PRELID2: variants seen among roughly 807,000 people sequenced by gnomAD.
The protein encoded by PRELID2 is PRELI domain containing 2.
Under a neutral mutation model 28.4 loss-of-function variants are expected in PRELID2, and 25 were observed. That is an observed-to-expected ratio of 0.88 (90% confidence interval 0.64 to 1.23). PRELID2 has a LOEUF of 1.23. PRELID2 is among the 50% of genes most tolerant of loss of function. The probability of loss-of-function intolerance (pLI) is 0.00; values close to 1 mark genes in which losing one functional copy is unlikely to be tolerated. For synonymous variants in PRELID2, 76 were observed against 71.6 expected (o/e 1.06, Z -0.31); for missense variants, 201 against 214.4 (o/e 0.94, Z 0.39).
the PRELID2 span, among the ~76,000 whole-genome samples, chr5:145,458,456 T>C: frequency 6.6e-6 from 1 of 152,200 alleles, no homozygotes; most frequent in African/African-American, 2.4e-5. Context: ...AATTTCGTTA[T>C]AATACTTAGT....
At chr5:145,672,312 T>A (rs961155484) in intron 1 of PRELID2, among the ~76,000 whole-genome samples, 3 of 152,102 alleles carry the variant, frequency 2.0e-5, no homozygotes, top group Non-Finnish European at 4.4e-5. Flanking sequence ...ACATTAGAAA[T>A]GTTTGGATAG....
chr5:145,237,397 T>A, the PRELID2 span, among the ~76,000 whole-genome samples: 1 of 152,074 alleles, frequency 6.6e-6, no homozygotes, highest in Non-Finnish European at 1.5e-5. Context: ...TATATATGCC[T>A]ATGGCTGAGC....
intron 5 of PRELID2, among the ~76,000 whole-genome samples, chr5:145,771,356 T>G (rs1269387004): frequency 6.6e-6 from 1 of 151,872 alleles, no homozygotes; most frequent in Non-Finnish European, 1.5e-5. Context: ...AATGACAAAA[T>G]CGTCTAATAA....
rs1323310752 is a variant in PRELID2 at position 145,807,788 on chromosome 5, T to C, written c.368+10106A>G. On this transcript the variant is annotated intron_variant, in intron 4 of 6. Transcript: ENST00000683046. Reference sequence around the variant, plus strand: ...TTAGCAGATTTTCATTCATCATTCATTAGACAGATGGTGATGAAGCATCTT... The same window carrying C: ...TTAGCAGATTTTCATTCATCATTCACTAGACAGATGGTGATGAAGCATCTT... Among the ~76,000 whole-genome samples the C allele has an allele frequency of 2.0e-5, 3 of 152,146 alleles. No individual in the cohort carries two copies. In the East Asian group the frequency reaches 5.8e-4, roughly 29 times the overall value.
chr5:145,234,131 G>A, the PRELID2 span, among the ~76,000 whole-genome samples: 1 of 152,084 alleles, frequency 6.6e-6, no homozygotes, highest in Non-Finnish European at 1.5e-5. Context: ...TTAATCATAT[G>A]GCCTTCTGAA....
intron 6 of PRELID2, among the ~76,000 whole-genome samples, chr5:145,764,386 A>G (rs2149769209): frequency 6.6e-6 from 1 of 152,294 alleles, no homozygotes; most frequent in East Asian, 1.9e-4. Flanking sequence ...CATGGCAGAC[A>G]CTGTTAACCA....
the PRELID2 span, among the ~76,000 whole-genome samples, chr5:145,376,645 A>G: frequency 4.6e-5 from 7 of 152,212 alleles, no homozygotes; most frequent in African/African-American, 1.4e-4. Flanking sequence ...CCAGCAATTT[A>G]TCCATTTCTT....
intron 1 of PRELID2, among the ~76,000 whole-genome samples, chr5:145,563,419 T>G (rs1752940420): frequency 6.6e-6 from 1 of 152,196 alleles, no homozygotes; most frequent in African/African-American, 2.4e-5. Context: ...AATGAATATA[T>G]TTCTTTCTGT....
At chr5:145,720,992 G>A (rs1034355974) in intron 1 of PRELID2, among the ~76,000 whole-genome samples, 1 of 152,038 alleles carries the variant, frequency 6.6e-6, no homozygotes, top group South Asian at 2.1e-4. Flanking sequence ...AATTTGAAAG[G>A]TTTTAAAATA....
chr5:145,814,024 A>G (rs549131874), intron 4 of PRELID2, among the ~76,000 whole-genome samples: 1 of 152,368 alleles, frequency 6.6e-6, no homozygotes, highest in Admixed American at 6.5e-5. Context: ...TCATGTAAAC[A>G]AACAATATCT....
At chr5:145,778,187 G>A (rs764675695) in intron 5 of PRELID2, among the ~76,000 whole-genome samples, 1 of 152,190 alleles carries the variant, frequency 6.6e-6, no homozygotes, top group Admixed American at 6.5e-5. Context: ...GGGACAACCA[G>A]CCACAGAGAA....
the PRELID2 span, among the ~76,000 whole-genome samples, chr5:145,397,860 G>A: frequency 6.6e-6 from 1 of 152,154 alleles, no homozygotes; most frequent in Non-Finnish European, 1.5e-5. Context: ...GGATGTCTGA[G>A]AACCACCAAA....
intron 1 of PRELID2, among the ~76,000 whole-genome samples, chr5:145,539,281 A>G (rs1310678227): frequency 6.6e-6 from 1 of 152,068 alleles, no homozygotes; most frequent in Non-Finnish European, 1.5e-5. Flanking sequence ...CAGCTTCAGT[A>G]CCTGAACAAC....
At chr5:145,298,511 G>A in the PRELID2 span, among the ~76,000 whole-genome samples, 3 of 152,176 alleles carry the variant, frequency 2.0e-5, no homozygotes, top group African/African-American at 4.8e-5. Flanking sequence ...AGTTTTAAGA[G>A]GAGGGATTTT....
the PRELID2 span, among the ~76,000 whole-genome samples, chr5:145,280,571 C>T: frequency 1.3e-5 from 2 of 152,104 alleles, no homozygotes; most frequent in African/African-American, 4.8e-5. Context: ...TTAATGGGTA[C>T]AGCACACCAG....
the PRELID2 span, among the ~76,000 whole-genome samples, chr5:145,393,938 G>A: frequency 2.6e-5 from 4 of 152,146 alleles, no homozygotes; most frequent in African/African-American, 7.2e-5. Flanking sequence ...TAATAATATT[G>A]TCTAAAATAC....
At chr5:145,419,238 T>C in the PRELID2 span, among the ~76,000 whole-genome samples, 1 of 146,674 alleles carries the variant, frequency 6.8e-6, no homozygotes, top group Non-Finnish European at 1.5e-5. Flanking sequence ...CCTTTGGGTA[T>C]ATACCCAGTA....
the PRELID2 span, among the ~76,000 whole-genome samples, chr5:145,414,169 G>A: frequency 6.6e-6 from 1 of 152,160 alleles, no homozygotes; most frequent in African/African-American, 2.4e-5. Flanking sequence ...AGTTGGTCAA[G>A]CAACCGGTAG....
chr5:145,631,781 AC>A (rs1753936037), intron 1 of PRELID2, among the ~76,000 whole-genome samples: 1 of 152,302 alleles, frequency 6.6e-6, no homozygotes, highest in South Asian at 2.1e-4. Context: ...AAAGTCCAAA[AC>A]TTAAAGCACC....
Sources: gnomAD v4.1 joint callset for allele counts (sites outside exome capture counted in the v4.1 genomes callset) on GRCh38, gnomAD v4.1.1 for gene constraint, MANE v1.5 for transcripts, NCBI Gene and HGNC (gene_info 2026-07-23, HGNC 2026-07-21) for gene names.